The following CGNL1 variants were observed in gnomAD, a reference collection of about 807,000 sequenced individuals.
CGNL1 encodes the protein cingulin-like protein 1.
A neutral mutation model predicts 141.2 loss-of-function variants in CGNL1; 132 were observed. The observed-to-expected ratio is 0.93, with a 90% CI of 0.81 to 1.08. CGNL1 has a LOEUF of 1.08. Among genes scored for constraint, CGNL1 ranks in the 50% least tolerant of loss-of-function variants. CGNL1 has a pLI of 0.00. For missense variants in CGNL1, 1,870 were observed against 1,588.6 expected (o/e 1.18, Z -3.01); for synonymous variants, 690 against 622.1 (o/e 1.11, Z -1.63).
chr15:57,474,067 C>T (rs535175745), intron 8 of CGNL1, among the ~76,000 whole-genome samples: 11 of 151,874 alleles, frequency 7.2e-5, no homozygotes, highest in East Asian at 1.9e-4. Context: ...TGTGCCACCA[C>T]GCCTGGCTAA....
rs778716632 is a variant in CGNL1 at position 57,438,623 on chromosome 15, G to T, written c.624G>T (p.Pro208=). 2.2e-5 allele frequency: 35 copies of T among 1,613,884 alleles called. 1 individual carries two copies. The South Asian group carries it at 3.5e-4, about 16-fold the overall frequency. The change falls in exon 2 of 19, where the codon CCG becomes CCT. Residue 208 remains proline, a synonymous_variant. Coordinates refer to ENST00000281282, the MANE Select transcript of CGNL1 (RefSeq NM_032866.5). Reference sequence around the variant, plus strand: ...CTACCAGTCCCTCCTTGGAAGACCCGGCCAAATCTGGTGTGACAGCTATTC... The same window carrying T: ...CTACCAGTCCCTCCTTGGAAGACCCTGCCAAATCTGGTGTGACAGCTATTC... ...SQPTSPSLED[P]AKSGVTAIRL...
In CGNL1 at chr15:57,436,144, GT is replaced by G. The variant is rs371250582; in HGVS notation, c.-15-1838del. 2.4e-4 allele frequency among the ~76,000 whole-genome samples: 37 copies of G among 152,274 alleles called. 1 individual carries two copies. In the South Asian group the frequency reaches 7.7e-3, roughly 32 times the overall value. ...TAGAAACATTACTGTGGTGGAAACT[GT>G]TTACTGCCTTTCTAAAGTCCATTCT... On this transcript the variant is annotated intron_variant, in intron 1 of 18. Coordinates refer to ENST00000281282, the MANE Select transcript of CGNL1 (RefSeq NM_032866.5).
intron 1 of CGNL1, among the ~76,000 whole-genome samples, chr15:57,393,294 A>G (rs1031839050): frequency 1.1e-4 from 17 of 152,236 alleles, no homozygotes; most frequent in African/African-American, 3.9e-4. Flanking sequence ...GACAATGATA[A>G]TATCGTTGAG....
chr15:57,461,998 ATC>A, intron 8 of CGNL1, 106 bp downstream of exon 8: 1 of 801,702 alleles, frequency 1.2e-6, no homozygotes, highest in Non-Finnish European at 2.1e-6. Context: ...TAGAGAGTGA[ATC>A]TCAATTCATC....
At chr15:57,396,418 T>G (rs1330495307) in intron 1 of CGNL1, among the ~76,000 whole-genome samples, 1 of 152,040 alleles carries the variant, frequency 6.6e-6, no homozygotes, top group Non-Finnish European at 1.5e-5. Context: ...GGGCTACAGG[T>G]GCATGCCACC....
chr15:57,519,545 G>C (rs569633805), intron 10 of CGNL1, among the ~76,000 whole-genome samples: 4 of 152,172 alleles, frequency 2.6e-5, no homozygotes, highest in Admixed American at 2.0e-4. Context: ...TCGTGTTTGC[G>C]TATAGTAAAG....
intron 1 of CGNL1, chr15:57,402,045 A>G (rs2062666097): frequency 6.6e-6 from 1 of 152,208 alleles, no homozygotes; most frequent in African/African-American, 2.4e-5. Flanking sequence ...TGAGGTAACG[A>G]TGAAGATGGA....
intron 1 of CGNL1, among the ~76,000 whole-genome samples, chr15:57,380,082 G>A (rs1358057409): frequency 6.6e-6 from 1 of 152,140 alleles, no homozygotes; most frequent in East Asian, 1.9e-4. Context: ...ACCCAGGCTG[G>A]AGTGCAGTGA....
intron 1 of CGNL1, among the ~76,000 whole-genome samples, chr15:57,426,365 G>C (rs12905505): frequency 0.3 from 44,785 of 151,560 alleles, 7,156 homozygotes; most frequent in Non-Finnish European, 0.37. Context: ...GGCTGGTCTT[G>C]AACTCCTGAC....
At chr15:57,378,789 A>G (rs1276092121) in intron 1 of CGNL1, among the ~76,000 whole-genome samples, 1 of 152,204 alleles carries the variant, frequency 6.6e-6, no homozygotes, top group Non-Finnish European at 1.5e-5. Flanking sequence ...AAGAACATTC[A>G]TTTTGAAAAA....
intron 1 of CGNL1, among the ~76,000 whole-genome samples, chr15:57,382,442 G>T (rs1430477484): frequency 1.3e-5 from 2 of 152,176 alleles, no homozygotes; most frequent in African/African-American, 4.8e-5. Context: ...TGTTTACAGG[G>T]CAGGGTTTCT....
intron 8 of CGNL1, among the ~76,000 whole-genome samples, chr15:57,465,660 A>G (rs1231362168): frequency 6.6e-6 from 1 of 151,254 alleles, no homozygotes; most frequent in Non-Finnish European, 1.5e-5. Flanking sequence ...CCAAAAAAAA[A>G]GGACATTTCT....
chr15:57,468,277 G>C (rs1347112505), intron 8 of CGNL1, among the ~76,000 whole-genome samples: 1 of 111,330 alleles, frequency 9.0e-6, no homozygotes, highest in Non-Finnish European at 1.6e-5. Flanking sequence ...GTCTGGCTCT[G>C]TCACCTAGGC....
chr15:57,546,149 C>T lies in CGNL1; in HGVS notation c.3683C>T (p.Ser1228Phe). The change falls in exon 18 of 19, where the codon TCT becomes TTT. Residue 1228 changes from serine to phenylalanine, a missense_variant. Coordinates refer to ENST00000281282, the MANE Select transcript of CGNL1 (RefSeq NM_032866.5). The stretch of plus-strand genomic sequence containing the variant: ...GAGGAAATCGACAGACTGGAAAGTT[C>T]TAAAAAGAAGCTGCAGAGGGAGCTG... Reference protein sequence around the residue: ...AEEEIDRLESSKKKLQRELEE... With the variant: ...AEEEIDRLESFKKKLQRELEE... 1.2e-6 allele frequency: 2 copies of T among 1,613,700 alleles called. No homozygotes were observed. Among genetic ancestry groups the T allele is most frequent in the South Asian group, 2.2e-5 (2 of 90,956 alleles).
chr15:57,533,524 C>G (rs57995724), intron 14 of CGNL1, among the ~76,000 whole-genome samples: 9 of 152,142 alleles, frequency 5.9e-5, no homozygotes, highest in Admixed American at 3.3e-4. Flanking sequence ...GTTTTGCCAG[C>G]GCTTCTTGTG....
At chr15:57,435,985 T>A (rs1164369236) in intron 1 of CGNL1, among the ~76,000 whole-genome samples, 2 of 152,114 alleles carry the variant, frequency 1.3e-5, no homozygotes, top group Non-Finnish European at 2.9e-5. Flanking sequence ...ATTAGCAACA[T>A]TTACAAATAA....
chr15:57,540,729 C>T (rs1400792257), intron 14 of CGNL1, among the ~76,000 whole-genome samples: 6 of 152,200 alleles, frequency 3.9e-5, no homozygotes, highest in Non-Finnish European at 7.3e-5. Context: ...ACCTCTTATG[C>T]AGGGCTCGTT....
intron 8 of CGNL1, among the ~76,000 whole-genome samples, chr15:57,479,686 A>C (rs2063701533): frequency 6.6e-6 from 1 of 152,140 alleles, no homozygotes; most frequent in South Asian, 2.1e-4. Flanking sequence ...ACAAAACAAA[A>C]TGAAACAGGC....
intron 8 of CGNL1, among the ~76,000 whole-genome samples, chr15:57,488,187 G>A (rs7175328): frequency 1.8e-3 from 268 of 152,190 alleles, no homozygotes; most frequent in African/African-American, 6.0e-3. Flanking sequence ...CTTATTGGCC[G>A]TTTGTATGTC....
Sources: gnomAD v4.1 joint callset for allele counts (sites outside exome capture counted in the v4.1 genomes callset) on GRCh38, gnomAD v4.1.1 for gene constraint, MANE v1.5 for transcripts, NCBI Gene and HGNC (gene_info 2026-07-23, HGNC 2026-07-21) for gene names.